Variants in MSRA observed in about 807,000 individuals in gnomAD.
The protein encoded by MSRA is methionine sulfoxide reductase A.
A neutral mutation model predicts 31.3 loss-of-function variants in MSRA; 54 were observed. That is an observed-to-expected ratio of 1.73 (90% CI 1.39 to 2.17). The LOEUF (loss-of-function observed/expected upper bound fraction) is 2.17, where lower values mean the gene tolerates loss of function less well. Ranked by LOEUF, MSRA falls within the 30% of genes most tolerant of loss-of-function variation. The pLI, the probability that MSRA is intolerant of heterozygous loss-of-function variation, is 0.00. For synonymous variants in MSRA, 169 were observed against 116.5 expected (o/e 1.45, Z -2.90); for missense variants, 507 against 300.9 (o/e 1.69, Z -5.07).
At position 10,319,867 on chromosome 8, in the gene MSRA, T is replaced by C; in HGVS notation, c.437-16T>C. ...CCTAGTGACCGGGTAACCCTCCCTGTTTTCTGCTTTCCTAGGTATGCGCCA... is the reference window on the plus strand; with the variant it reads ...CCTAGTGACCGGGTAACCCTCCCTGCTTTCTGCTTTCCTAGGTATGCGCCA... On this transcript the variant is annotated splice_polypyrimidine_tract_variant and intron_variant, in intron 4 of 5. Transcript: ENST00000317173. The C allele has an allele frequency of 1.3e-6, 2 of 1,490,102 alleles. No homozygotes were observed. The highest frequency in any genetic ancestry group is 1.8e-6 in the Non-Finnish European group (2 of 1,110,398). The allele number at this position is 1,490,102 out of a possible 1,614,324, so 92.3% of individuals were successfully genotyped here. A position where few individuals can be genotyped will look rare whatever the true frequency, so the allele number is the denominator to read the frequency against.
At chr8:10,358,477 C>G (rs1294784375) in intron 5 of MSRA, among the ~76,000 whole-genome samples, 1 of 149,910 alleles carries the variant, frequency 6.7e-6, no homozygotes, top group Non-Finnish European at 1.5e-5. Flanking sequence ...GGCCTATGGC[C>G]TGTTAGGAAC....
At chr8:10,211,313 T>A (rs555638872) in intron 2 of MSRA, among the ~76,000 whole-genome samples, 2 of 152,338 alleles carry the variant, frequency 1.3e-5, no homozygotes, top group East Asian at 3.9e-4. Context: ...GATTTTCTTA[T>A]GTAGCCCAAC....
chr8:10,065,800 C>T lies in MSRA; in HGVS notation c.142+11142C>T, dbSNP rs142942905. The stretch of plus-strand genomic sequence containing the variant: ...TTTAAAGTGAGGACTGTATTGTTTA[C>T]TTTATGTGTTGTTTTAAAGTAGGAA... On this transcript the variant is annotated intron_variant, in intron 1 of 5. Coordinates refer to ENST00000317173, the MANE Select transcript of MSRA (RefSeq NM_012331.5). 2.0e-5 allele frequency among the ~76,000 whole-genome samples: 3 copies of T among 152,104 alleles called. No individual in the cohort carries two copies. In the East Asian group the frequency reaches 5.8e-4, roughly 29 times the overall value.
chr8:10,059,011 G>A (rs921116627), intron 1 of MSRA: 2 of 152,170 alleles, frequency 1.3e-5, no homozygotes, highest in Non-Finnish European at 2.9e-5. Flanking sequence ...TACAGCCAGT[G>A]TGATCAGACA....
At chr8:10,072,454 C>T (rs1016065728) in intron 1 of MSRA, among the ~76,000 whole-genome samples, 2 of 152,136 alleles carry the variant, frequency 1.3e-5, no homozygotes, top group South Asian at 2.1e-4. Context: ...TACTCCCTCC[C>T]GTTGATCTAT....
At chr8:10,067,855 T>C (rs1002067434) in intron 1 of MSRA, among the ~76,000 whole-genome samples, 1 of 150,856 alleles carries the variant, frequency 6.6e-6, no homozygotes, top group African/African-American at 2.4e-5. Flanking sequence ...ATATTTCAGT[T>C]GGGTTGTTTT....
intron 5 of MSRA, among the ~76,000 whole-genome samples, chr8:10,340,553 G>C (rs2129150078): frequency 6.6e-6 from 1 of 152,278 alleles, no homozygotes; most frequent in East Asian, 1.9e-4. Context: ...TTGTATTTTT[G>C]GTAGAGACAG....
intron 5 of MSRA, among the ~76,000 whole-genome samples, chr8:10,321,426 C>T (rs949862585): frequency 2.4e-4 from 37 of 152,128 alleles, no homozygotes; most frequent in African/African-American, 8.4e-4. Context: ...CTATGATGAG[C>T]GGAGAGGCCT....
intron 5 of MSRA, among the ~76,000 whole-genome samples, chr8:10,417,669 G>T (rs1446233958): frequency 6.6e-6 from 1 of 151,282 alleles, no homozygotes; most frequent in African/African-American, 2.4e-5. Context: ...TTAAAGTTTT[G>T]ATTGACATCT....
intron 1 of MSRA, among the ~76,000 whole-genome samples, chr8:10,144,876 G>A (rs746721304): frequency 9.9e-5 from 15 of 152,068 alleles, no homozygotes; most frequent in Non-Finnish European, 1.9e-4. Context: ...CTTAAGACAA[G>A]ACACATGTAA....
intron 5 of MSRA, among the ~76,000 whole-genome samples, chr8:10,374,944 C>G (rs1302949226): frequency 1.3e-4 from 20 of 152,138 alleles, no homozygotes; most frequent in Admixed American, 1.2e-3. Context: ...GACCCTCCTC[C>G]TCTCTCTCTT....
chr8:10,134,909 G>T (rs946315109), intron 1 of MSRA, among the ~76,000 whole-genome samples: 1 of 152,234 alleles, frequency 6.6e-6, no homozygotes, highest in Non-Finnish European at 1.5e-5. Flanking sequence ...TCTTGCCCCG[G>T]AGTGTTTGTT....
At chr8:10,230,040 A>G (rs1391067605) in intron 2 of MSRA, among the ~76,000 whole-genome samples, 1 of 152,226 alleles carries the variant, frequency 6.6e-6, no homozygotes, top group African/African-American at 2.4e-5. Flanking sequence ...TGAAAATTTC[A>G]AAGTGTTACA....
chr8:10,140,699 C>T lies in MSRA; in HGVS notation c.143-67134C>T, dbSNP rs550274219. Among the ~76,000 whole-genome samples the T allele has an allele frequency of 2.0e-5, 3 of 152,108 alleles. No individual in the cohort carries two copies. In the South Asian group the frequency reaches 6.2e-4, roughly 32 times the overall value. On this transcript the variant is annotated intron_variant, in intron 1 of 5. Transcript: ENST00000317173. ...CATTTTCTATCAGAAGTTACCAGTGCACAGGAAAAATGAGTCAAGATCAAC... is the reference window on the plus strand; with the variant it reads ...CATTTTCTATCAGAAGTTACCAGTGTACAGGAAAAATGAGTCAAGATCAAC...
At chr8:10,275,863 G>T (rs2952163) in intron 3 of MSRA, among the ~76,000 whole-genome samples, 1 of 152,182 alleles carries the variant, frequency 6.6e-6, no homozygotes, top group African/African-American at 2.4e-5. Flanking sequence ...TGGAAATGAC[G>T]CCTCTTGACC....
chr8:10,148,654 A>C (rs1039295205), intron 1 of MSRA, among the ~76,000 whole-genome samples: 1 of 151,842 alleles, frequency 6.6e-6, no homozygotes, highest in African/African-American at 2.4e-5. Flanking sequence ...CTTAAAAAAA[A>C]AAAAACGGGA....
At chr8:10,264,621 A>G (rs1275093884) in intron 3 of MSRA, among the ~76,000 whole-genome samples, 1 of 152,170 alleles carries the variant, frequency 6.6e-6, no homozygotes, top group Non-Finnish European at 1.5e-5. Context: ...AGCAGGAGTG[A>G]GCAGGTGGGC....
At chr8:10,192,813 T>C (rs1807626426) in intron 1 of MSRA, among the ~76,000 whole-genome samples, 1 of 152,256 alleles carries the variant, frequency 6.6e-6, no homozygotes, top group South Asian at 2.1e-4. Flanking sequence ...AGACTCATTA[T>C]GGGCTGAGGA....
chr8:10,393,904 G>A (rs1806924246), intron 5 of MSRA, among the ~76,000 whole-genome samples: 1 of 152,186 alleles, frequency 6.6e-6, no homozygotes, highest in African/African-American at 2.4e-5. Flanking sequence ...AAGATACTAT[G>A]TGTATAACTG....
Sources: allele counts gnomAD v4.1 joint callset (sites outside exome capture counted in the v4.1 genomes callset), GRCh38; gene constraint gnomAD v4.1.1; transcripts MANE v1.5; gene names NCBI Gene and HGNC (gene_info 2026-07-23, HGNC 2026-07-21).